Variants in LUZP2 observed in about 807,000 individuals in gnomAD.
LUZP2 encodes the protein leucine zipper protein 2.
LUZP2 carries 52 observed loss-of-function variants against 51.6 expected under a neutral mutation model. The ratio of observed to expected loss-of-function variants is 1.01; its 90% CI spans 0.81 to 1.27. The LOEUF (loss-of-function observed/expected upper bound fraction) is 1.27. LUZP2 is among the 50% of genes most tolerant of loss of function. The pLI, the probability that LUZP2 is intolerant of heterozygous loss-of-function variation, is 0.00. For synonymous variants in LUZP2, 154 were observed against 137.3 expected, an observed-to-expected ratio of 1.12 and a Z score of -0.85; for missense variants, 436 against 395.4, an observed-to-expected ratio of 1.10 and a Z score of -0.87.
At chr11:24,627,818 C>A (rs543259010) in intron 1 of LUZP2, among the ~76,000 whole-genome samples, 2 of 152,292 alleles carry the variant, frequency 1.3e-5, no homozygotes, top group African/African-American at 4.8e-5. Context: ...GGCAGTGTCT[C>A]TTGTCACTAT....
At chr11:24,854,797 A>T (rs1851505976) in intron 5 of LUZP2, among the ~76,000 whole-genome samples, 1 of 152,178 alleles carries the variant, frequency 6.6e-6, no homozygotes, top group South Asian at 2.1e-4. Flanking sequence ...GCAGGTTGCA[A>T]AGCCCATGGG....
chr11:25,063,844 A>G (rs1858922063), intron 10 of LUZP2, among the ~76,000 whole-genome samples: 1 of 151,808 alleles, frequency 6.6e-6, no homozygotes, highest in South Asian at 2.1e-4. Context: ...AACCCCACAA[A>G]AATTCCATGA....
chr11:24,637,192 G>A (rs1855134796), intron 1 of LUZP2, among the ~76,000 whole-genome samples: 1 of 151,748 alleles, frequency 6.6e-6, no homozygotes, highest in South Asian at 2.1e-4. Context: ...CCCGAACAGA[G>A]AGATCGGCTG....
intron 9 of LUZP2, among the ~76,000 whole-genome samples, chr11:25,013,286 A>G (rs1361193263): frequency 6.6e-6 from 1 of 150,806 alleles, no homozygotes; most frequent in Non-Finnish European, 1.5e-5. Context: ...CTTAACGTAG[A>G]AAAAATGAAT....
chr11:24,641,573 C>T (rs1249850941), intron 1 of LUZP2, among the ~76,000 whole-genome samples: 1 of 151,784 alleles, frequency 6.6e-6, no homozygotes, highest in African/African-American at 2.4e-5. Context: ...AGAATTCATT[C>T]TTCAACTCCC....
chr11:24,987,895 CA>C (rs1422749648), intron 9 of LUZP2, among the ~76,000 whole-genome samples: 3 of 151,890 alleles, frequency 2.0e-5, no homozygotes, highest in Non-Finnish European at 4.4e-5. Context: ...TTATGGGCTT[CA>C]AAAATGCTCA....
chr11:24,686,958 A>C (rs886802465), intron 1 of LUZP2, among the ~76,000 whole-genome samples: 4 of 152,156 alleles, frequency 2.6e-5, no homozygotes, highest in Non-Finnish European at 4.4e-5. Context: ...ACCCAAAGAC[A>C]ACTTGGTCAC....
intron 7 of LUZP2, among the ~76,000 whole-genome samples, chr11:24,948,805 T>TGAAGTAGC (rs1854977399): frequency 8.6e-6 from 1 of 116,706 alleles, no homozygotes; most frequent in Non-Finnish European, 2.0e-5. Flanking sequence ...CTTGAAACTC[T>TGAAGTAGC]ATCTATCTAT....
At chr11:24,506,518 G>A (rs1298512818) in intron 1 of LUZP2, among the ~76,000 whole-genome samples, 1 of 151,818 alleles carries the variant, frequency 6.6e-6, no homozygotes, top group Non-Finnish European at 1.5e-5. Context: ...AAAGTGAGGG[G>A]CAATTTTTTC....
chr11:24,562,579 C>T (rs1296705492), intron 1 of LUZP2, among the ~76,000 whole-genome samples: 7 of 151,672 alleles, frequency 4.6e-5, no homozygotes, highest in East Asian at 3.9e-4. Flanking sequence ...ATAGGCCGGG[C>T]GCGGTGGCTC....
At chr11:24,590,802 T>C (rs1374864526) in intron 1 of LUZP2, among the ~76,000 whole-genome samples, 3 of 152,202 alleles carry the variant, frequency 2.0e-5, no homozygotes, top group Non-Finnish European at 4.4e-5. Context: ...GAATATCTTG[T>C]CCTTACCTTC....
At chr11:24,665,656 A>G (rs1856189396) in intron 1 of LUZP2, among the ~76,000 whole-genome samples, 2 of 152,034 alleles carry the variant, frequency 1.3e-5, no homozygotes, top group Non-Finnish European at 2.9e-5. Flanking sequence ...ATGCGCTCGG[A>G]TGGTTTTACA....
intron 7 of LUZP2, among the ~76,000 whole-genome samples, chr11:24,954,033 C>T (rs1855151046): frequency 6.6e-6 from 1 of 151,584 alleles, no homozygotes; most frequent in Admixed American, 6.6e-5. Flanking sequence ...TCTTCCTGGC[C>T]CATCTTCTGG....
intron 1 of LUZP2, among the ~76,000 whole-genome samples, chr11:24,648,234 A>G (rs1356349559): frequency 6.6e-6 from 1 of 151,896 alleles, no homozygotes; most frequent in Non-Finnish European, 1.5e-5. Context: ...CGGCACATCT[A>G]TTCATGTAGG....
At chr11:24,725,911 G>C (rs1335766058) in intron 1 of LUZP2, among the ~76,000 whole-genome samples, 1 of 152,124 alleles carries the variant, frequency 6.6e-6, no homozygotes, top group East Asian at 1.9e-4. Context: ...GGAAGATGCT[G>C]TGGAGAGACA....
intron 4 of LUZP2, among the ~76,000 whole-genome samples, chr11:24,738,697 T>C (rs1859028616): frequency 6.6e-6 from 1 of 152,038 alleles, no homozygotes; most frequent in African/African-American, 2.4e-5. Flanking sequence ...AGCAGGGCCA[T>C]GGAATCTATT....
intron 1 of LUZP2, among the ~76,000 whole-genome samples, chr11:24,635,790 C>T (rs1855080095): frequency 6.6e-6 from 1 of 152,074 alleles, no homozygotes; most frequent in African/African-American, 2.4e-5. Context: ...CCACAGACAG[C>T]GTTGACTAAA....
chr11:24,877,422 T>C (rs1852307853), intron 5 of LUZP2, among the ~76,000 whole-genome samples: 1 of 141,766 alleles, frequency 7.1e-6, no homozygotes, highest in Non-Finnish European at 1.6e-5. Flanking sequence ...TAAGACTCTC[T>C]TAAAAATATG....
chr11:24,679,475 G>A (rs1260353899), intron 1 of LUZP2, among the ~76,000 whole-genome samples: 1 of 151,894 alleles, frequency 6.6e-6, no homozygotes, highest in South Asian at 2.1e-4. Context: ...CAGACACTAA[G>A]CTAGGTACAA....
Sources: allele counts gnomAD v4.1 joint callset (sites outside exome capture counted in the v4.1 genomes callset), GRCh38; gene constraint gnomAD v4.1.1; transcripts MANE v1.5; gene names NCBI Gene and HGNC (gene_info 2026-07-23, HGNC 2026-07-21).